Variants in GPR63 observed in about 807,000 individuals in gnomAD.
The protein encoded by GPR63 is probable G protein-coupled receptor 63.
GPR63 carries 12 observed loss-of-function variants against 23.1 expected under a neutral mutation model. The ratio of observed to expected loss-of-function variants is 0.52; its 90% CI spans 0.33 to 0.84. GPR63 has a LOEUF of 0.84. Ranked by LOEUF, GPR63 falls within the 40% of genes least tolerant of loss-of-function variation. GPR63 has a pLI of 0.02. For missense variants in GPR63, 472 were observed against 515.6 expected (o/e 0.92, Z 0.82); for synonymous variants, 172 against 191.1 (o/e 0.90, Z 0.82).
At chr6:96,811,308 C>T (rs1034371579) in intron 1 of GPR63, among the ~76,000 whole-genome samples, 1 of 152,200 alleles carries the variant, frequency 6.6e-6, no homozygotes, top group East Asian at 1.9e-4. Context: ...ATAACCCACG[C>T]GTTCCAGCCA....
At chr6:96,819,291 T>C (rs1774239140) in intron 1 of GPR63, among the ~76,000 whole-genome samples, 1 of 152,136 alleles carries the variant, frequency 6.6e-6, no homozygotes, top group African/African-American at 2.4e-5. Flanking sequence ...AATGATAGAC[T>C]AGATAAAGAA....
At chr6:96,807,206 CCT>C (rs1350127024) in intron 1 of GPR63, among the ~76,000 whole-genome samples, 4 of 152,256 alleles carry the variant, frequency 2.6e-5, no homozygotes, top group African/African-American at 9.6e-5. Context: ...GATCAATCAA[CCT>C]CTCTCTCTAG....
intron 1 of GPR63, among the ~76,000 whole-genome samples, chr6:96,835,298 G>T (rs1355552817): frequency 6.6e-6 from 1 of 151,818 alleles, no homozygotes; most frequent in Non-Finnish European, 1.5e-5. Context: ...GTCCCTAAAT[G>T]GTTTTCATGT....
intron 1 of GPR63, 146 bp downstream of exon 1, chr6:96,837,122 T>A (rs1223334075): frequency 1.3e-5 from 2 of 152,706 alleles, no homozygotes; most frequent in Non-Finnish European, 2.9e-5. Flanking sequence ...CGGCACAACT[T>A]CGGTCTCTCC....
intron 1 of GPR63, among the ~76,000 whole-genome samples, chr6:96,801,125 C>A (rs1222829135): frequency 2.0e-5 from 3 of 151,936 alleles, no homozygotes; most frequent in African/African-American, 7.3e-5. Flanking sequence ...TTAATAAGCT[C>A]TTAAGAGACT....
rs1773600932 is a variant in GPR63, at chr6:96,797,087, C to G, written c.*1385G>C. The G allele has an allele frequency of 6.6e-6, 1 of 152,028 alleles. No homozygotes were observed. The highest frequency in any genetic ancestry group is 2.4e-5 in the African/African-American group (1 of 41,346). The allele number at this position is 152,028 out of a possible 1,614,324, so 9.4% of individuals were successfully genotyped here. ...AAATAGCTGGGTGTGGTGGCACACA[C>G]CTGTGTGTGCGTGTGTGTGTGTGGT... On this transcript the variant is annotated 3_prime_UTR_variant, in exon 2 of 2. Coordinates refer to ENST00000229955, the MANE Select transcript of GPR63 (RefSeq NM_030784.4).
chr6:96,814,964 T>C (rs1774127540), intron 1 of GPR63, among the ~76,000 whole-genome samples: 1 of 152,216 alleles, frequency 6.6e-6, no homozygotes, highest in Admixed American at 6.5e-5. Flanking sequence ...TTCATACTGC[T>C]GACTAAAAAA....
At chr6:96,831,566 C>A (rs1368101254) in intron 1 of GPR63, among the ~76,000 whole-genome samples, 1 of 152,090 alleles carries the variant, frequency 6.6e-6, no homozygotes, top group East Asian at 1.9e-4. Flanking sequence ...CCCAAAAATT[C>A]TATGTCTAGG....
At position 96,808,588 on chromosome 6, in the gene GPR63, A is replaced by C. The variant is rs116672966; in HGVS notation, c.-150-8707T>G. Among the ~76,000 whole-genome samples, 556 of 152,310 alleles carry C rather than the reference A, an allele frequency of 3.7e-3. 4 individuals are homozygous for C. Among genetic ancestry groups the C allele is most frequent in the African/African-American group, 0.013 (524 of 41,572 alleles). ...TTTCAGTGCCCAAAAGGATTTTCTGATGCTGCAGTAATATAAATGTTGGCT... is the reference window on the plus strand; with the variant it reads ...TTTCAGTGCCCAAAAGGATTTTCTGCTGCTGCAGTAATATAAATGTTGGCT... On this transcript the variant is annotated intron_variant, in intron 1 of 1. Coordinates refer to ENST00000229955, the MANE Select transcript of GPR63 (RefSeq NM_030784.4).
chr6:96,821,279 C>T (rs1774306515), intron 1 of GPR63, among the ~76,000 whole-genome samples: 3 of 152,222 alleles, frequency 2.0e-5, no homozygotes, highest in South Asian at 2.1e-4. Context: ...ACATCCTCTA[C>T]AACACCAACC....
intron 1 of GPR63, among the ~76,000 whole-genome samples, chr6:96,834,494 C>T (rs1289848906): frequency 1.3e-5 from 2 of 152,040 alleles, no homozygotes; most frequent in Non-Finnish European, 2.9e-5. Context: ...GCAACATAAA[C>T]TCTGTGAAAC....
intron 1 of GPR63, among the ~76,000 whole-genome samples, chr6:96,821,874 C>A (rs568808653): frequency 6.6e-6 from 1 of 151,996 alleles, no homozygotes; most frequent in East Asian, 1.9e-4. Flanking sequence ...GTAACAGACA[C>A]ATCTGTTAGA....
rs116215075 is a variant in GPR63, at chr6:96,824,954, C to T, written c.-151+12314G>A. 4.1e-3 allele frequency among the ~76,000 whole-genome samples: 631 copies of T among 152,232 alleles called. 6 individuals carry two copies. Among genetic ancestry groups the T allele is most frequent in the African/African-American group, 0.014 (592 of 41,532 alleles). On this transcript the variant is annotated intron_variant, in intron 1 of 1. Coordinates refer to ENST00000229955, the MANE Select transcript of GPR63 (RefSeq NM_030784.4). ...GCCCATAGGAAATTCAATGGCTCAC[C>T]GTGCACACAATAGTCAGAAACACAA...
intron 1 of GPR63, among the ~76,000 whole-genome samples, chr6:96,817,113 A>AAT (rs1774183837): frequency 1.3e-5 from 2 of 152,284 alleles, no homozygotes; most frequent in South Asian, 2.1e-4. Context: ...TCATCCTTTG[A>AAT]ATATATATAT....
intron 1 of GPR63, among the ~76,000 whole-genome samples, chr6:96,825,518 T>G (rs1474157384): frequency 6.6e-6 from 1 of 152,072 alleles, no homozygotes; most frequent in Admixed American, 6.6e-5. Context: ...GAGGGACTGT[T>G]TTCAGGAACT....
intron 1 of GPR63, among the ~76,000 whole-genome samples, chr6:96,804,924 C>T (rs1337286884): frequency 3.3e-5 from 5 of 152,122 alleles, no homozygotes; most frequent in African/African-American, 1.2e-4. Context: ...TCTTGTTTAA[C>T]TTTTAGAAAT....
intron 1 of GPR63, among the ~76,000 whole-genome samples, chr6:96,819,550 G>C (rs1774248763): frequency 6.6e-6 from 1 of 151,962 alleles, no homozygotes; most frequent in South Asian, 2.1e-4. Context: ...AGAGCTTTAG[G>C]ACAAATACCT....
intron 1 of GPR63, among the ~76,000 whole-genome samples, chr6:96,835,031 T>C (rs748741434): frequency 1.3e-4 from 20 of 152,292 alleles, no homozygotes; most frequent in Non-Finnish European, 2.6e-4. Flanking sequence ...TTACCTAGAA[T>C]TTGCCTATTG....
intron 1 of GPR63, among the ~76,000 whole-genome samples, chr6:96,827,476 A>G (rs2127959416): frequency 1.3e-5 from 2 of 152,268 alleles, no homozygotes; most frequent in East Asian, 3.9e-4. Flanking sequence ...AGGATTGTAA[A>G]TAGAAGTTTC....
Sources: gnomAD v4.1 joint callset for allele counts (sites outside exome capture counted in the v4.1 genomes callset) on GRCh38, gnomAD v4.1.1 for gene constraint, MANE v1.5 for transcripts, NCBI Gene and HGNC (gene_info 2026-07-23, HGNC 2026-07-21) for gene names.